Variants in PLXNA4 observed in about 807,000 individuals in gnomAD.
PLXNA4 encodes the protein plexin-A4.
PLXNA4 carries 44 observed loss-of-function variants against 191.8 expected under a neutral mutation model. The ratio of observed to expected loss-of-function variants is 0.23; its 90% CI spans 0.18 to 0.29. PLXNA4 has a LOEUF of 0.29. PLXNA4 is among the 10% of genes least tolerant of loss of function. The pLI is 1.00. For synonymous variants in PLXNA4, 1,082 were observed against 1,009.5 expected (o/e 1.07, Z -1.36); for missense variants, 1,800 against 2,488.8 (o/e 0.72, Z 5.89).
chr7:132,219,070 C>T (rs138426790), intron 9 of PLXNA4, among the ~76,000 whole-genome samples: 3,040 of 152,166 alleles, frequency 0.02, 205 homozygotes, highest in Admixed American at 0.13. Flanking sequence ...AAGATGGTGC[C>T]GGGTAGATGA....
intron 3 of PLXNA4, among the ~76,000 whole-genome samples, chr7:132,307,459 TA>T (rs1801568280): frequency 1.3e-5 from 2 of 152,218 alleles, no homozygotes; most frequent in Non-Finnish European, 2.9e-5. Flanking sequence ...AGGTGCTCAA[TA>T]AACATTTGTT....
upstream of PLXNA4, chr7:132,576,933 C>G (rs1802269516): frequency 6.7e-6 from 1 of 148,974 alleles, no homozygotes; most frequent in South Asian, 2.1e-4. The surrounding 1 kb of genome is among the most constrained non-coding windows in gnomAD (Gnocchi z 5.8). Flanking sequence ...CGCCGGGGAG[C>G]GCTCTCGGCG....
chr7:132,548,113 T>C (rs1229657862), intron 1 of PLXNA4, among the ~76,000 whole-genome samples: 4 of 152,174 alleles, frequency 2.6e-5, no homozygotes, highest in African/African-American at 9.7e-5. Context: ...AGACAAAGCC[T>C]GGCTTTGGAA....
chr7:132,590,159 T>G (rs1802580378), intron 2 of PLXNA4, among the ~76,000 whole-genome samples: 2 of 152,204 alleles, frequency 1.3e-5, no homozygotes, highest in Non-Finnish European at 2.9e-5. Context: ...TCATCTGACT[T>G]CTTATGCTAT....
chr7:132,404,035 G>T (rs1033524541), intron 3 of PLXNA4, among the ~76,000 whole-genome samples: 4 of 152,280 alleles, frequency 2.6e-5, no homozygotes, highest in African/African-American at 9.6e-5. Flanking sequence ...TATTCACCTG[G>T]GCTCTGTGGT....
At position 132,323,022 on chromosome 7, in the gene PLXNA4, T is replaced by G. The variant is rs115387467; in HGVS notation, c.1372-24800A>C. ...GGTGGTGCACATTTGTATCAGTGTA[T>G]TCTCCTTTAGCACAGATGAAATACA... On this transcript the variant is annotated intron_variant, in intron 3 of 31. Coordinates refer to ENST00000321063, the MANE Select transcript of PLXNA4 (RefSeq NM_020911.2). 6.8e-3 allele frequency among the ~76,000 whole-genome samples: 1,029 copies of G among 152,278 alleles called. 8 individuals are homozygous for G. The highest frequency in any genetic ancestry group is 0.024 in the African/African-American group (992 of 41,550).
At chr7:132,364,751 C>T (rs1371023955) in intron 3 of PLXNA4, among the ~76,000 whole-genome samples, 1 of 152,172 alleles carries the variant, frequency 6.6e-6, no homozygotes, top group Non-Finnish European at 1.5e-5. Context: ...GTAGTTTCAT[C>T]CTGTGGTTGA....
chr7:132,430,189 T>C (rs1467649320), intron 3 of PLXNA4, among the ~76,000 whole-genome samples: 2 of 152,034 alleles, frequency 1.3e-5, no homozygotes, highest in African/African-American at 4.8e-5. Context: ...AACCAGCATA[T>C]TGAGTGAATG....
chr7:132,225,534 C>T (rs1798287572), intron 8 of PLXNA4, among the ~76,000 whole-genome samples: 1 of 152,202 alleles, frequency 6.6e-6, no homozygotes, highest in Admixed American at 6.5e-5. Flanking sequence ...TCGGCCCTCC[C>T]CACCTGCCAC....
chr7:132,576,141 C>T lies in PLXNA4; in HGVS notation c.-87+281G>A, dbSNP rs1334626176. 6.6e-6 allele frequency among the ~76,000 whole-genome samples: 1 copy of T among 152,206 alleles called. No individual in the cohort carries two copies. The highest frequency in any genetic ancestry group is 1.5e-5 in the Non-Finnish European group (1 of 68,042). On this transcript the variant is annotated intron_variant, in intron 1 of 31. Transcript: ENST00000321063. The surrounding 1 kb of genome is among the most constrained non-coding windows in gnomAD (Gnocchi z 5.8). Reference sequence around the variant, plus strand: ...ACACAGAATCCCACCCCGAAAGTCCCGGGAAAGAGAAGTCTGAGTCCAGGA... The same window carrying T: ...ACACAGAATCCCACCCCGAAAGTCCTGGGAAAGAGAAGTCTGAGTCCAGGA...
intron 3 of PLXNA4, among the ~76,000 whole-genome samples, chr7:132,432,869 G>A (rs1365353221): frequency 2.0e-5 from 3 of 152,116 alleles, no homozygotes; most frequent in African/African-American, 7.2e-5. Context: ...AAACTCCTAG[G>A]CCTTTCGAGT....
intron 2 of PLXNA4, among the ~76,000 whole-genome samples, chr7:132,613,759 C>G (rs964396478): frequency 2.6e-5 from 4 of 152,078 alleles, no homozygotes; most frequent in African/African-American, 9.7e-5. Flanking sequence ...CAAAACACGG[C>G]CACAAGGACC....
intron 4 of PLXNA4, among the ~76,000 whole-genome samples, chr7:132,274,063 A>G (rs1800180165): frequency 6.6e-6 from 1 of 152,106 alleles, no homozygotes; most frequent in Non-Finnish European, 1.5e-5. Context: ...TGAGTGAAAG[A>G]AGCCAATACA....
chr7:132,487,730 C>T (rs1378155128), intron 3 of PLXNA4, among the ~76,000 whole-genome samples: 1 of 152,112 alleles, frequency 6.6e-6, no homozygotes, highest in Non-Finnish European at 1.5e-5. Context: ...GAGAGGAAGA[C>T]CCGGGAAGGC....
At chr7:132,551,974 G>A (rs866780066) in intron 1 of PLXNA4, among the ~76,000 whole-genome samples, 3 of 152,124 alleles carry the variant, frequency 2.0e-5, no homozygotes, top group Admixed American at 2.0e-4. Flanking sequence ...CAGGAGTCAG[G>A]GCCAGGTTGA....
chr7:132,164,802 G>A (rs1235167314), intron 23 of PLXNA4, among the ~76,000 whole-genome samples: 2 of 152,260 alleles, frequency 1.3e-5, no homozygotes, highest in African/African-American at 4.8e-5. Context: ...GGGGCTGGGA[G>A]AGGGAAGAGG....
At chr7:132,419,812 G>T (rs188242257) in intron 3 of PLXNA4, among the ~76,000 whole-genome samples, 1 of 152,198 alleles carries the variant, frequency 6.6e-6, no homozygotes, top group African/African-American at 2.4e-5. Flanking sequence ...AGCTGCCACA[G>T]ACAATACATA....
chr7:132,257,537 C>T (rs935654079), intron 4 of PLXNA4, among the ~76,000 whole-genome samples: 5 of 152,286 alleles, frequency 3.3e-5, no homozygotes, highest in East Asian at 1.9e-4. Flanking sequence ...CCAGGGGCTG[C>T]AGACTTCAGG....
chr7:132,562,308 TTCC>T (rs1400473195), intron 1 of PLXNA4, among the ~76,000 whole-genome samples: 1 of 61,080 alleles, frequency 1.6e-5, no homozygotes, highest in Non-Finnish European at 3.1e-5. Flanking sequence ...CCTTCTCCTC[TTCC>T]TCCTCTTCCT....
Sources: allele counts gnomAD v4.1 joint callset (sites outside exome capture counted in the v4.1 genomes callset), GRCh38; gene constraint gnomAD v4.1.1; non-coding constraint Gnocchi (gnomAD v3.1); transcripts MANE v1.5; gene names NCBI Gene and HGNC (gene_info 2026-07-23, HGNC 2026-07-21).